SHROOM3: variants seen among roughly 807,000 people sequenced by gnomAD.
SHROOM3 encodes the protein protein Shroom3.
Under a neutral mutation model 138.6 loss-of-function variants are expected in SHROOM3, and 47 were observed. That is an observed-to-expected ratio of 0.34 (90% CI 0.27 to 0.43). The LOEUF is 0.43. Ranked by LOEUF, SHROOM3 falls within the 20% of genes least tolerant of loss-of-function variation. The pLI is 1.00. For missense variants in SHROOM3, 2,491 were observed against 2,596.5 expected (o/e 0.96, Z 0.88); for synonymous variants, 1,062 against 1,063.3 (o/e 1.00, Z 0.02).
rs751952435 is a variant in SHROOM3, at chr4:76,741,517, G to A, written c.3344G>A (p.Arg1115His). The change falls in exon 5 of 11, where the codon CGC (arginine) becomes CAC (histidine). Residue 1115 changes from arginine (R) to histidine (H), a missense_variant. Around this residue, in one of 4 missense-constraint regions of SHROOM3, gnomAD observed 1,733 missense variants for 1,661.6 expected, o/e 1.04. Coordinates refer to ENST00000296043, the MANE Select transcript of SHROOM3 (RefSeq NM_020859.4). This position sits in a 1 kb window ranked among gnomAD's most constrained non-coding sequence, Gnocchi z 6.2. The part of the protein sequence containing the change: ...SLQEPGPLRE[R>H]AQSAYLQPGP... ...CAGGAGCCCGGGCCACTGCGTGAGC[G>A]CGCCCAGAGTGCCTACCTCCAGCCC... 1.9e-6 allele frequency: 3 copies of A among 1,553,442 alleles called. No individual in the cohort carries two copies. Among genetic ancestry groups the A allele is most frequent in the East Asian group, 2.4e-5 (1 of 41,846 alleles).
At chr4:76,513,091 G>T (rs1161630236) in intron 1 of SHROOM3, among the ~76,000 whole-genome samples, 3 of 152,184 alleles carry the variant, frequency 2.0e-5, no homozygotes, top group Non-Finnish European at 2.9e-5. Flanking sequence ...AGCAGGAGCA[G>T]TAGGTTAACT....
chr4:76,709,880 G>T, intron 2 of SHROOM3: 1 of 390,020 alleles, frequency 2.6e-6, no homozygotes. Flanking sequence ...CTTCCTTTTT[G>T]CTTAGAAAAT....
At chr4:76,446,881 C>G (rs1730818003) in intron 1 of SHROOM3, among the ~76,000 whole-genome samples, 1 of 152,208 alleles carries the variant, frequency 6.6e-6, no homozygotes, top group African/African-American at 2.4e-5. Context: ...AGTACATCTG[C>G]TGTGCTCATC....
intron 2 of SHROOM3, among the ~76,000 whole-genome samples, chr4:76,561,611 GC>G (rs1733597275): frequency 1.3e-5 from 2 of 150,064 alleles, no homozygotes; most frequent in Middle Eastern, 3.4e-3. Flanking sequence ...GGGACTTTTG[GC>G]CCCTCAAGCA....
Position 76,756,445 on chromosome 4 carries a change from G to A in SHROOM3, c.4710-4G>A, listed in dbSNP as rs1251033667. On this transcript the variant is annotated splice_polypyrimidine_tract_variant and splice_region_variant and intron_variant, in intron 7 of 10. Transcript: ENST00000296043. ...TTTTTTTTTTTTTTAAATATCCCTGGCAGCTTCAACAAACTTTCTAAAGTG... is the reference window on the plus strand; with the variant it reads ...TTTTTTTTTTTTTTAAATATCCCTGACAGCTTCAACAAACTTTCTAAAGTG... 7.5e-6 allele frequency: 12 copies of A among 1,596,738 alleles called. No homozygotes were observed. The highest frequency in any genetic ancestry group is 8.5e-7 in the Non-Finnish European group (1 of 1,172,810).
intron 8 of SHROOM3, chr4:76,758,209 A>C (rs1225140037): frequency 1.3e-5 from 2 of 152,192 alleles, no homozygotes; most frequent in East Asian, 1.9e-4. Flanking sequence ...GAGCACCTAC[A>C]ATGTGCAAGG....
chr4:76,714,511 G>A (rs555284666), intron 3 of SHROOM3, among the ~76,000 whole-genome samples: 2 of 152,240 alleles, frequency 1.3e-5, no homozygotes, highest in East Asian at 3.9e-4. Context: ...CTCATTACTG[G>A]TGATGATTAA....
intron 1 of SHROOM3, among the ~76,000 whole-genome samples, chr4:76,477,054 G>A (rs776850728): frequency 2.0e-5 from 3 of 152,064 alleles, no homozygotes; most frequent in Admixed American, 6.6e-5. Flanking sequence ...TGCAAGCTCT[G>A]CCTCCTGGGT....
Position 76,741,501 on chromosome 4 carries a change from G to A in SHROOM3, c.3328G>A (p.Gly1110Arg), listed in dbSNP as rs759543345. 1.3e-6 allele frequency: 2 copies of A among 1,555,024 alleles called. No individual in the cohort carries two copies. The highest frequency in any genetic ancestry group is 1.7e-6 in the Non-Finnish European group (2 of 1,155,390). ...SAAGCSLQEP[G>R]PLRERAQSAY... The stretch of plus-strand genomic sequence containing the variant: ...CGCCGGCTGCAGCCTCCAGGAGCCC[G>A]GGCCACTGCGTGAGCGCGCCCAGAG... The change falls in exon 5 of 11, where the codon GGG (glycine) becomes AGG (arginine). Residue 1110 changes from glycine (G) to arginine (R), a missense_variant. Physicochemically the swap from Gly to Arg is moderately radical, Grantham distance 125. Around this residue, in one of 4 missense-constraint regions of SHROOM3, gnomAD observed 1,733 missense variants for 1,661.6 expected, o/e 1.04. Transcript: ENST00000296043. The surrounding 1 kb of genome is among the most constrained non-coding windows in gnomAD (Gnocchi z 6.2).
chr4:76,668,981 A>G (rs1311307098), intron 2 of SHROOM3, among the ~76,000 whole-genome samples: 2 of 152,210 alleles, frequency 1.3e-5, no homozygotes, highest in South Asian at 4.1e-4. Context: ...TATGTGCACA[A>G]GCATATTGCA....
intron 1 of SHROOM3, among the ~76,000 whole-genome samples, chr4:76,450,329 C>A (rs922676012): frequency 6.6e-6 from 1 of 152,138 alleles, no homozygotes; most frequent in African/African-American, 2.4e-5. Flanking sequence ...AACAGATGGC[C>A]ATTTCTTAAA....
chr4:76,676,405 T>G (rs571435205), intron 2 of SHROOM3, among the ~76,000 whole-genome samples: 20 of 152,270 alleles, frequency 1.3e-4, no homozygotes, highest in Middle Eastern at 6.8e-3. Context: ...ACACTTTTCA[T>G]CTAGGAGGAA....
chr4:76,567,845 C>A (rs1733758017), intron 2 of SHROOM3, among the ~76,000 whole-genome samples: 1 of 151,872 alleles, frequency 6.6e-6, no homozygotes, highest in Non-Finnish European at 1.5e-5. Flanking sequence ...AAGAAGCGAA[C>A]AATTGAAGAG....
chr4:76,453,284 CT>C (rs113928987), intron 1 of SHROOM3, among the ~76,000 whole-genome samples: 26 of 149,190 alleles, frequency 1.7e-4, no homozygotes, highest in Middle Eastern at 3.4e-3. Flanking sequence ...TAATTTTCTT[CT>C]TTTTTTTTTA....
At chr4:76,661,283 T>G (rs984503701) in intron 2 of SHROOM3, among the ~76,000 whole-genome samples, 2 of 151,624 alleles carry the variant, frequency 1.3e-5, no homozygotes, top group East Asian at 1.9e-4. Context: ...CAGGCTGGAG[T>G]GCAATGGCGC....
intron 2 of SHROOM3, among the ~76,000 whole-genome samples, chr4:76,585,620 C>T (rs1734137509): frequency 6.6e-6 from 1 of 152,160 alleles, no homozygotes; most frequent in African/African-American, 2.4e-5. Context: ...CAAAGGCGGG[C>T]TGCATCGCAC....
At chr4:76,700,431 T>C (rs1719870998) in intron 2 of SHROOM3, among the ~76,000 whole-genome samples, 1 of 152,128 alleles carries the variant, frequency 6.6e-6, no homozygotes, top group Non-Finnish European at 1.5e-5. Context: ...CCCTGGGGCA[T>C]GCGACTGGGG....
intron 2 of SHROOM3, among the ~76,000 whole-genome samples, chr4:76,674,798 G>T (rs545903586): frequency 6.6e-6 from 1 of 151,694 alleles, no homozygotes; most frequent in Non-Finnish European, 1.5e-5. Context: ...CAAGTGATCC[G>T]CCTGCCTCGG....
intron 2 of SHROOM3, among the ~76,000 whole-genome samples, chr4:76,565,524 A>G: frequency 6.6e-6 from 1 of 152,078 alleles, no homozygotes; most frequent in Admixed American, 6.5e-5. Context: ...ACAAGATCTT[A>G]CTCTGTTGCC....
Sources: allele counts gnomAD v4.1 joint callset (sites outside exome capture counted in the v4.1 genomes callset), GRCh38; gene constraint gnomAD v4.1.1; regional missense constraint gnomAD v4.1.1; non-coding constraint Gnocchi (gnomAD v3.1); transcripts MANE v1.5; gene names NCBI Gene and HGNC (gene_info 2026-07-23, HGNC 2026-07-21).